BIN3: variants seen among roughly 807,000 people sequenced by gnomAD.
BIN3 encodes the protein bridging integrator 3.
BIN3 carries 41 observed loss-of-function variants against 38.2 expected under a neutral mutation model. The ratio of observed to expected loss-of-function variants is 1.07; its 90% confidence interval spans 0.84 to 1.39. The LOEUF is 1.39. Among genes scored for constraint, BIN3 ranks in the 40% most tolerant of loss-of-function variants. BIN3 has a pLI of 0.00. For synonymous variants in BIN3, 145 were observed against 122.6 expected (o/e 1.18, Z -1.21); for missense variants, 361 against 324.3 (o/e 1.11, Z -0.87).
intron 1 of BIN3, among the ~76,000 whole-genome samples, chr8:22,645,451 T>TA (rs1802684349): frequency 6.6e-6 from 1 of 151,430 alleles, no homozygotes; most frequent in Admixed American, 6.6e-5. Context: ...CACTGCACCC[T>TA]AGCCTGGGCA....
chr8:22,667,887 C>T (rs1405099449), intron 1 of BIN3, among the ~76,000 whole-genome samples: 2 of 152,222 alleles, frequency 1.3e-5, no homozygotes, highest in Non-Finnish European at 2.9e-5. Context: ...ATATCAGCTG[C>T]TTGCGTTCTC....
chr8:22,623,968 C>CCTA lies in BIN3; in HGVS notation c.561_562insTAG (p.Tyr187_Gly188insTer). On this transcript the variant is annotated stop_gained and inframe_insertion, in exon 8 of 9. Transcript: ENST00000276416. LOFTEE classifies it high-confidence loss of function. Reference sequence around the variant, plus strand: ...GGCTGGAAGTAGTCGAGGCGGCTGCCGTAGAAGCGCGGCATCTCCTCCAGC... The same window carrying CCTA: ...GGCTGGAAGTAGTCGAGGCGGCTGCCCTAGTAGAAGCGCGGCATCTCCTCCAGC... 1 of 1,612,076 alleles carries CCTA rather than the reference C, an allele frequency of 6.2e-7. No homozygotes were observed. Among genetic ancestry groups the CCTA allele is most frequent in the South Asian group, 1.1e-5 (1 of 90,876 alleles).
chr8:22,626,042 T>TTATCCCCA (rs1218981663), intron 6 of BIN3: 1 of 152,630 alleles, frequency 6.6e-6, no homozygotes, highest in Non-Finnish European at 1.5e-5. Context: ...AACAAAGGGC[T>TTATCCCCA]TATCCCCAAG....
intron 1 of BIN3, among the ~76,000 whole-genome samples, chr8:22,653,594 T>A (rs1053330857): frequency 6.6e-6 from 1 of 152,346 alleles, no homozygotes; most frequent in African/African-American, 2.4e-5. Context: ...TAAAACAGTA[T>A]ACTCCCAATT....
chr8:22,660,594 T>C (rs1803200739), intron 1 of BIN3, among the ~76,000 whole-genome samples: 1 of 152,166 alleles, frequency 6.6e-6, no homozygotes, highest in Non-Finnish European at 1.5e-5. Flanking sequence ...CCTCCCTACA[T>C]CGTCCCCATC....
chr8:22,667,777 T>C (rs1056419234), intron 1 of BIN3, among the ~76,000 whole-genome samples: 3 of 152,190 alleles, frequency 2.0e-5, no homozygotes, highest in South Asian at 2.1e-4. Context: ...CTTGCGGTGA[T>C]TGTCTGACAT....
chr8:22,636,666 G>T, intron 3 of BIN3, 80 bp from the exon 4 acceptor site: 1 of 1,432,942 alleles, frequency 7.0e-7, no homozygotes. Flanking sequence ...TGGAGGGCCT[G>T]CCAAGGAGGA....
rs926983184 is a variant in BIN3, at chr8:22,624,164, C to G, written c.480+58G>C. The G allele has an allele frequency of 3.1e-6, 5 of 1,593,544 alleles. No individual in the cohort carries two copies. The African/African-American group carries it at 5.4e-5, about 17-fold the overall frequency. On this transcript the variant is annotated intron_variant, in intron 7 of 8. Transcript: ENST00000276416. ...CCCCCAGGTGAGGGGAGGGACTTACCACAGGTGACCACGATGGCCCACCTG... is the reference window on the plus strand; with the variant it reads ...CCCCCAGGTGAGGGGAGGGACTTACGACAGGTGACCACGATGGCCCACCTG...
intron 4 of BIN3, among the ~76,000 whole-genome samples, chr8:22,630,914 T>A (rs775866120): frequency 6.6e-6 from 1 of 152,186 alleles, no homozygotes; most frequent in Non-Finnish European, 1.5e-5. Context: ...TACCCAAGAA[T>A]ATGCATTTAA....
intron 1 of BIN3, among the ~76,000 whole-genome samples, chr8:22,645,386 G>A (rs1295832938): frequency 1.3e-5 from 2 of 152,158 alleles, no homozygotes; most frequent in Non-Finnish European, 2.9e-5. Flanking sequence ...AGAGGCTGAA[G>A]CAGGAGGATC....
At chr8:22,661,414 G>A (rs1803234310) in intron 1 of BIN3, among the ~76,000 whole-genome samples, 1 of 119,060 alleles carries the variant, frequency 8.4e-6, no homozygotes, top group Non-Finnish European at 1.6e-5. Context: ...CTGGAATGCA[G>A]TGGCATGATC....
chr8:22,655,224 G>A (rs1375877462), intron 1 of BIN3, among the ~76,000 whole-genome samples: 1 of 152,104 alleles, frequency 6.6e-6, no homozygotes, highest in Admixed American at 6.6e-5. Flanking sequence ...TCTCATCCAT[G>A]GGCTGGGTTT....
intron 1 of BIN3, among the ~76,000 whole-genome samples, chr8:22,660,103 C>T (rs1000519416): frequency 5.9e-5 from 9 of 152,168 alleles, no homozygotes; most frequent in African/African-American, 2.2e-4. Flanking sequence ...GTGGCAACTT[C>T]CCCCCAAATA....
Position 22,632,789 on chromosome 8 carries a change from T to A in BIN3, c.161-2211A>T, listed in dbSNP as rs147649413. Among the ~76,000 whole-genome samples, 832 of 148,890 alleles carry A rather than the reference T, an allele frequency of 5.6e-3. 9 individuals are homozygous for A. The highest frequency in any genetic ancestry group is 0.02 in the African/African-American group (803 of 40,720). ...AATGGCATCATCTCGGCTCACTGCA[T>A]CCTCCGCCTCCTGGCTTCAAGTGAT... is the stretch of plus-strand genomic sequence containing the variant. On this transcript the variant is annotated intron_variant, in intron 4 of 8. Transcript: ENST00000276416.
At chr8:22,626,095 G>A (rs1179162130) in intron 6 of BIN3, 1 of 152,356 alleles carries the variant, frequency 6.6e-6, no homozygotes, top group African/African-American at 2.4e-5. Context: ...GGGGCTCCCT[G>A]TCTTAACAAG....
chr8:22,622,242 G>A (rs1202056233), intron 8 of BIN3, among the ~76,000 whole-genome samples: 3 of 152,188 alleles, frequency 2.0e-5, no homozygotes, highest in Non-Finnish European at 2.9e-5. Flanking sequence ...AGACAATAGG[G>A]GCCACTTCTG....
intron 1 of BIN3, among the ~76,000 whole-genome samples, chr8:22,665,656 G>A (rs940620000): frequency 2.6e-5 from 4 of 152,198 alleles, no homozygotes; most frequent in African/African-American, 7.2e-5. Flanking sequence ...ACATGGGCAC[G>A]AGAGAGCAGG....
chr8:22,621,680 T>A (rs1008624196), intron 8 of BIN3, 112 bp from the exon 9 acceptor site: 1 of 1,129,726 alleles, frequency 8.9e-7, no homozygotes, highest in Non-Finnish European at 1.3e-6. Context: ...TCTGGAGCTG[T>A]GCAGCAGCGT....
chr8:22,624,219 T>C lies in BIN3; in HGVS notation c.480+3A>G. On this transcript the variant is annotated splice_donor_region_variant and intron_variant, in intron 7 of 8. Coordinates refer to ENST00000276416, the MANE Select transcript of BIN3 (RefSeq NM_018688.6). ...GCCCCTGCCCACCTGTCTCCCCTGG[T>C]ACCTGGTGGAGCTTGGCCAGCACTG... 6.2e-7 allele frequency: 1 copy of C among 1,612,954 alleles called. No individual in the cohort carries two copies. Among genetic ancestry groups the C allele is most frequent in the Non-Finnish European group, 8.5e-7 (1 of 1,179,352 alleles).
Sources: gnomAD v4.1 joint callset for allele counts (sites outside exome capture counted in the v4.1 genomes callset) on GRCh38, gnomAD v4.1.1 for gene constraint, MANE v1.5 for transcripts, NCBI Gene and HGNC (gene_info 2026-07-23, HGNC 2026-07-21) for gene names.